Variants in NEK6 observed in about 807,000 individuals in gnomAD.
NEK6 encodes NIMA related kinase 6, also known as serine/threonine-protein kinase Nek6.
NEK6 carries 27 observed loss-of-function variants against 43.5 expected under a neutral mutation model. The observed-to-expected ratio is 0.62, with a 90% CI of 0.46 to 0.86. The LOEUF (loss-of-function observed/expected upper bound fraction) is 0.86. Among genes scored for constraint, NEK6 ranks in the 40% least tolerant of loss-of-function variants. The probability of loss-of-function intolerance (pLI) is 0.00; values close to 1 mark genes in which losing one functional copy is unlikely to be tolerated. For missense variants in NEK6, 318 were observed against 414.4 expected (o/e 0.77, Z 2.02); for synonymous variants, 167 against 164.1 (o/e 1.02, Z -0.14).
intron 1 of NEK6, among the ~76,000 whole-genome samples, chr9:124,278,134 G>C (rs948657765): frequency 1.3e-5 from 2 of 152,098 alleles, no homozygotes; most frequent in African/African-American, 4.8e-5. Flanking sequence ...CATTACTGTC[G>C]ACTGCAGTAC....
chr9:124,303,087 C>T (rs527664398), intron 2 of NEK6, among the ~76,000 whole-genome samples: 51 of 152,308 alleles, frequency 3.3e-4, no homozygotes, highest in Middle Eastern at 3.4e-3. Context: ...GCACCTGATC[C>T]GGGGCCAGAG....
intron 1 of NEK6, among the ~76,000 whole-genome samples, chr9:124,281,729 C>T (rs1182220717): frequency 6.6e-6 from 1 of 152,084 alleles, no homozygotes; most frequent in African/African-American, 2.4e-5. Context: ...GAACTCCCGA[C>T]CTCAGGTGAT....
intron 9 of NEK6, 28 bp downstream of exon 9, chr9:124,347,850 C>T (rs1160140590): frequency 5.4e-6 from 8 of 1,481,956 alleles, no homozygotes; most frequent in Non-Finnish European, 7.5e-6. Context: ...GGAGGCCTCG[C>T]CAGCCCCAGG....
At chr9:124,347,648 T>C in intron 8 of NEK6, 61 bp from the exon 9 acceptor site, 2 of 1,103,122 alleles carry the variant, frequency 1.8e-6, no homozygotes, top group Non-Finnish European at 2.6e-6. Flanking sequence ...AGCCTCCTCC[T>C]CTCTAGTCCT....
At chr9:124,276,497 A>C (rs187643012) in intron 1 of NEK6, among the ~76,000 whole-genome samples, 1 of 152,212 alleles carries the variant, frequency 6.6e-6, no homozygotes, top group Non-Finnish European at 1.5e-5. Context: ...TCATGAAGCA[A>C]TAATGAGCCC....
intron 1 of NEK6, among the ~76,000 whole-genome samples, chr9:124,261,801 AC>A (rs1339427333): frequency 4.6e-5 from 7 of 152,204 alleles, no homozygotes; most frequent in Admixed American, 2.0e-4. Context: ...AAATTGACGA[AC>A]ATTTGCAAAT....
chr9:124,301,845 T>C (rs1832993619), intron 1 of NEK6, 91 bp from the exon 2 acceptor site: 2 of 1,044,494 alleles, frequency 1.9e-6, no homozygotes, highest in South Asian at 2.7e-5. Flanking sequence ...GCACCTCAGC[T>C]CACGCATCTG....
intron 1 of NEK6, among the ~76,000 whole-genome samples, chr9:124,283,264 T>A (rs1832004376): frequency 1.3e-5 from 2 of 152,174 alleles, no homozygotes; most frequent in South Asian, 4.1e-4. Context: ...CAATACTGAA[T>A]GAGAGAGAGC....
At chr9:124,321,661 G>A in intron 5 of NEK6, 92 bp downstream of exon 5, 1 of 868,698 alleles carries the variant, frequency 1.2e-6, no homozygotes, top group Non-Finnish European at 1.9e-6. Context: ...ACAATGCTCT[G>A]CCTTTAGCCA....
rs889793944 is a variant in NEK6, at chr9:124,326,758, G to T, written c.514+320G>T. 6.6e-6 allele frequency among the ~76,000 whole-genome samples: 1 copy of T among 152,200 alleles called. No homozygotes were observed. The highest frequency in any genetic ancestry group is 1.5e-5 in the Non-Finnish European group (1 of 68,032). On this transcript the variant is annotated intron_variant, in intron 6 of 9. Coordinates refer to ENST00000320246, the MANE Select transcript of NEK6 (RefSeq NM_014397.6). The surrounding 1 kb of genome is among the most constrained non-coding windows in gnomAD (Gnocchi z 4.5). ...TTCATGGGGGCTTTGCCGTCTCAGC[G>T]GGCTGGGCTGAGAAGGGGAGGCACC...
At chr9:124,285,434 G>A (rs551701603) in intron 1 of NEK6, among the ~76,000 whole-genome samples, 1 of 152,134 alleles carries the variant, frequency 6.6e-6, no homozygotes, top group Non-Finnish European at 1.5e-5. Flanking sequence ...GAGTGGGTTC[G>A]TCTGTTCCTG....
chr9:124,260,304 C>T (rs1830982357), intron 1 of NEK6, among the ~76,000 whole-genome samples: 1 of 152,226 alleles, frequency 6.6e-6, no homozygotes, highest in Non-Finnish European at 1.5e-5. Context: ...ATCCCCATTT[C>T]ACAAATGATA....
Position 124,258,384 on chromosome 9 carries a change from G to A in NEK6, c.-30+299G>A, listed in dbSNP as rs575571909. 16 of 970,952 alleles carry A rather than the reference G, an allele frequency of 1.6e-5. No individual in the cohort carries two copies. The African/African-American group carries it at 2.8e-4, about 17-fold the overall frequency. 60.1% of individuals were successfully genotyped at this position (970,952 alleles called of 1,614,324 possible). ...GGGGTGAGTGCGTGCGGGGACGCGG[G>A]CATGGCTCCCCGCTACCCACTTCCC... On this transcript the variant is annotated intron_variant, in intron 1 of 9. Transcript: ENST00000320246.
intron 8 of NEK6, among the ~76,000 whole-genome samples, 177 bp from the exon 9 acceptor site, chr9:124,347,532 C>T (rs1462220806): frequency 1.3e-5 from 2 of 152,194 alleles, no homozygotes; most frequent in African/African-American, 4.8e-5. Flanking sequence ...AGTGTTGCGC[C>T]TGCTCCTCTG....
chr9:124,294,175 G>C (rs1195616270), intron 1 of NEK6, among the ~76,000 whole-genome samples: 1 of 152,216 alleles, frequency 6.6e-6, no homozygotes, highest in African/African-American at 2.4e-5. Context: ...AGACCAGCCT[G>C]ACCAACATGG....
intron 1 of NEK6, among the ~76,000 whole-genome samples, chr9:124,269,834 CT>C (rs1306767723): frequency 6.6e-6 from 1 of 152,142 alleles, no homozygotes; most frequent in Non-Finnish European, 1.5e-5. Context: ...AGGGAGTTTA[CT>C]GCAGACTGTC....
chr9:124,290,099 C>T (rs961406158), intron 1 of NEK6, among the ~76,000 whole-genome samples: 3 of 152,246 alleles, frequency 2.0e-5, no homozygotes, highest in Non-Finnish European at 2.9e-5. Flanking sequence ...CCCGTCACAC[C>T]GTACGGGTGG....
At chr9:124,283,838 A>T (rs539681356) in intron 1 of NEK6, among the ~76,000 whole-genome samples, 2 of 152,132 alleles carry the variant, frequency 1.3e-5, no homozygotes, top group African/African-American at 4.8e-5. Flanking sequence ...CTGCACGCAC[A>T]TTTTCTTGTG....
intron 1 of NEK6, among the ~76,000 whole-genome samples, chr9:124,297,253 A>G (rs553313455): frequency 3.9e-5 from 6 of 152,318 alleles, no homozygotes; most frequent in Middle Eastern, 6.8e-3. Flanking sequence ...TCACGCCTCC[A>G]TTGTACAAGT....
Sources: allele counts gnomAD v4.1 joint callset (sites outside exome capture counted in the v4.1 genomes callset), GRCh38; gene constraint gnomAD v4.1.1; non-coding constraint Gnocchi (gnomAD v3.1); transcripts MANE v1.5; gene names NCBI Gene and HGNC (gene_info 2026-07-23, HGNC 2026-07-21).